The following RAB3B variants were observed in gnomAD, a reference collection of about 807,000 sequenced individuals.
RAB3B encodes the protein RAB3B, member RAS oncogene family, also known as ras-related protein Rab-3B.
A neutral mutation model predicts 20.5 loss-of-function variants in RAB3B; 11 were observed. The ratio of observed to expected loss-of-function variants is 0.54; its 90% CI spans 0.34 to 0.89. The LOEUF (loss-of-function observed/expected upper bound fraction) is 0.89. Among genes scored for constraint, RAB3B ranks in the 40% least tolerant of loss-of-function variants. The pLI, the probability that RAB3B is intolerant of heterozygous loss-of-function variation, is 0.02. For missense variants in RAB3B, 225 were observed against 280.9 expected (o/e 0.80, Z 1.42); for synonymous variants, 99 against 106.3 (o/e 0.93, Z 0.42).
chr1:51,937,372 G>A lies in RAB3B; in HGVS notation c.269C>T (p.Ala90Val). ...GQERYRTITT[A>V]YYRGAMGFIL... Reference sequence around the variant, plus strand: ...GAAGCCCATGGCCCCACGGTAATAGGCTGTTGTGATGGTCCGGTACCGCTC... The same window carrying A: ...GAAGCCCATGGCCCCACGGTAATAGACTGTTGTGATGGTCCGGTACCGCTC... Residue 90 changes from alanine (A) to valine (V), a missense_variant, in exon 3 of 5, where the codon GCC becomes GTC. Physicochemically the swap from Ala to Val is moderately conservative, Grantham distance 64 (BLOSUM62 0). Transcript: ENST00000371655. 1 of 1,613,040 alleles carries A rather than the reference G, an allele frequency of 6.2e-7. No individual in the cohort carries two copies.
chr1:51,956,619 T>G (rs1228472529), intron 2 of RAB3B, among the ~76,000 whole-genome samples: 1 of 152,208 alleles, frequency 6.6e-6, no homozygotes, highest in African/African-American at 2.4e-5. Context: ...TAAGTCTCAG[T>G]GCTTTGCTCA....
chr1:51,943,368 A>G (rs1684520091), intron 2 of RAB3B, among the ~76,000 whole-genome samples: 1 of 149,400 alleles, frequency 6.7e-6, no homozygotes, highest in South Asian at 2.2e-4. Flanking sequence ...TGGGTGACAG[A>G]GCAAGACTCC....
At chr1:51,932,645 T>C (rs1353187575) in intron 4 of RAB3B, among the ~76,000 whole-genome samples, 2 of 152,222 alleles carry the variant, frequency 1.3e-5, no homozygotes, top group Non-Finnish European at 2.9e-5. Context: ...TGAATTTGCA[T>C]TGAGATAAAC....
chr1:51,945,012 G>A (rs528156328), intron 2 of RAB3B, among the ~76,000 whole-genome samples: 13 of 152,132 alleles, frequency 8.5e-5, no homozygotes, highest in Admixed American at 6.5e-4. Flanking sequence ...AAACTTCACT[G>A]TTGCCCTATT....
intron 1 of RAB3B, among the ~76,000 whole-genome samples, chr1:51,980,272 T>C (rs1420982446): frequency 1.3e-5 from 2 of 151,708 alleles, no homozygotes; most frequent in African/African-American, 4.8e-5. Context: ...CTACAAAAAG[T>C]AAAAAATTAG....
intron 4 of RAB3B, among the ~76,000 whole-genome samples, chr1:51,924,270 T>C (rs1038539340): frequency 2.6e-5 from 4 of 152,060 alleles, no homozygotes; most frequent in African/African-American, 7.3e-5. Context: ...TTATGGAAGA[T>C]AGACACATTG....
At chr1:51,946,199 A>G (rs1684561980) in intron 2 of RAB3B, among the ~76,000 whole-genome samples, 1 of 152,218 alleles carries the variant, frequency 6.6e-6, no homozygotes, top group Non-Finnish European at 1.5e-5. Context: ...TAGGTGCTCA[A>G]TAAAGCTCAT....
At chr1:51,943,248 G>A (rs1035814684) in intron 2 of RAB3B, among the ~76,000 whole-genome samples, 2 of 152,144 alleles carry the variant, frequency 1.3e-5, no homozygotes, top group African/African-American at 2.4e-5. Flanking sequence ...GCCAGGCATG[G>A]TGGCAGATGC....
At chr1:51,987,763 T>C (rs1018237113) in intron 1 of RAB3B, among the ~76,000 whole-genome samples, 2 of 152,208 alleles carry the variant, frequency 1.3e-5, no homozygotes, top group East Asian at 1.9e-4. Flanking sequence ...CCCCCATATA[T>C]ACCGAAATCC....
At chr1:51,959,791 T>C (rs113618651) in intron 2 of RAB3B, among the ~76,000 whole-genome samples, 223 of 152,350 alleles carry the variant, frequency 1.5e-3, no homozygotes, top group African/African-American at 5.2e-3. Flanking sequence ...ACCATACTAA[T>C]GTACGATGGT....
chr1:51,922,697 T>C (rs1008452867), intron 4 of RAB3B, among the ~76,000 whole-genome samples: 1 of 151,932 alleles, frequency 6.6e-6, no homozygotes, highest in Admixed American at 6.6e-5. Flanking sequence ...ATTTCATTTT[T>C]ATTTATTTAT....
intron 2 of RAB3B, among the ~76,000 whole-genome samples, chr1:51,954,443 T>C (rs1339731163): frequency 6.6e-6 from 1 of 152,232 alleles, no homozygotes; most frequent in East Asian, 1.9e-4. Flanking sequence ...TTTCAAAATA[T>C]GTTTTAAATA....
At chr1:51,921,266 C>A (rs1684168306) in intron 4 of RAB3B, among the ~76,000 whole-genome samples, 1 of 152,250 alleles carries the variant, frequency 6.6e-6, no homozygotes, top group South Asian at 2.1e-4. Flanking sequence ...TTCCTAATAT[C>A]TTTGGGGCAA....
intron 2 of RAB3B, among the ~76,000 whole-genome samples, chr1:51,940,678 G>T (rs1433011312): frequency 6.6e-6 from 1 of 152,068 alleles, no homozygotes; most frequent in Non-Finnish European, 1.5e-5. Flanking sequence ...TGGTGGTTTG[G>T]GGTAGTTATG....
intron 2 of RAB3B, among the ~76,000 whole-genome samples, 169 bp downstream of exon 2, chr1:51,976,721 C>G (rs1685014175): frequency 1.3e-5 from 2 of 152,152 alleles, no homozygotes; most frequent in Non-Finnish European, 2.9e-5. Context: ...TGGAGGAGAG[C>G]AAACTTGTAT....
chr1:51,958,572 C>T (rs7521787), intron 2 of RAB3B, among the ~76,000 whole-genome samples: 1 of 152,012 alleles, frequency 6.6e-6, no homozygotes, highest in Non-Finnish European at 1.5e-5. Flanking sequence ...AAAAATACAA[C>T]ATTAGCCGGG....
At chr1:51,970,896 A>G (rs1274766424) in intron 2 of RAB3B, among the ~76,000 whole-genome samples, 1 of 151,644 alleles carries the variant, frequency 6.6e-6, no homozygotes, top group African/African-American at 2.4e-5. Flanking sequence ...CTGTAGCCCC[A>G]GCTACTCGGG....
At position 51,990,562 on chromosome 1, in the gene RAB3B, G is replaced by C. The variant is rs976652487; in HGVS notation, c.-11C>G. The stretch of plus-strand genomic sequence containing the variant: ...GGCCGCGCCCCTTACCGCGGACTCC[G>C]AGTGCGGGACGACGGGTTCGCTCCC... On this transcript the variant is annotated 5_prime_UTR_variant, in exon 1 of 5. Transcript: ENST00000371655. The C allele has an allele frequency of 5.9e-5, 9 of 152,066 alleles. No individual in the cohort carries two copies. The highest frequency in any genetic ancestry group is 2.2e-4 in the African/African-American group (9 of 41,526). 9.4% of individuals were successfully genotyped at this position (152,066 alleles called of 1,614,324 possible).
intron 2 of RAB3B, among the ~76,000 whole-genome samples, chr1:51,942,887 T>C (rs1232689006): frequency 6.6e-6 from 1 of 152,176 alleles, no homozygotes; most frequent in Non-Finnish European, 1.5e-5. Flanking sequence ...ATTATATCTG[T>C]CATGTTTATC....
Sources: allele counts gnomAD v4.1 joint callset (sites outside exome capture counted in the v4.1 genomes callset), GRCh38; gene constraint gnomAD v4.1.1; transcripts MANE v1.5; gene names NCBI Gene and HGNC (gene_info 2026-07-23, HGNC 2026-07-21).